The following ARHGAP15 variants were observed in gnomAD, a reference collection of about 807,000 sequenced individuals.
ARHGAP15 encodes Rho GTPase activating protein 15, also known as rho GTPase-activating protein 15.
In ARHGAP15, 51 loss-of-function variants were observed where a neutral mutation model predicts 63.7. That is an observed-to-expected ratio of 0.80 (90% confidence interval 0.64 to 1.01). ARHGAP15 has a LOEUF of 1.01. Among genes scored for constraint, ARHGAP15 ranks in the 50% least tolerant of loss-of-function variants. The pLI, the probability that ARHGAP15 is intolerant of heterozygous loss-of-function variation, is 0.00. For missense variants in ARHGAP15, 560 were observed against 564.6 expected (o/e 0.99, Z 0.08); for synonymous variants, 191 against 193.8 (o/e 0.99, Z 0.12).
intron 12 of ARHGAP15, among the ~76,000 whole-genome samples, chr2:143,694,991 T>C (rs10928196): frequency 0.087 from 13,185 of 152,242 alleles, 847 homozygotes; most frequent in East Asian, 0.33. Context: ...AAGACACACA[T>C]TGAAAACCTC....
chr2:143,518,224 A>T (rs1693905672), intron 9 of ARHGAP15, among the ~76,000 whole-genome samples: 1 of 152,224 alleles, frequency 6.6e-6, no homozygotes, highest in African/African-American at 2.4e-5. Context: ...ATCTGTCTTT[A>T]AATACTGCAG....
chr2:143,457,112 A>G (rs760332497), intron 8 of ARHGAP15, among the ~76,000 whole-genome samples: 12 of 152,188 alleles, frequency 7.9e-5, no homozygotes, highest in Non-Finnish European at 1.8e-4. Flanking sequence ...ATTTAAAAGA[A>G]AAAAGCTCCC....
intron 6 of ARHGAP15, among the ~76,000 whole-genome samples, chr2:143,311,039 AT>A (rs759753377): frequency 6.6e-6 from 1 of 151,960 alleles, no homozygotes; most frequent in Non-Finnish European, 1.5e-5. Flanking sequence ...AAGGGTTGTT[AT>A]TTTTTCTCAA....
intron 3 of ARHGAP15, among the ~76,000 whole-genome samples, chr2:143,212,741 C>A (rs1246400949): frequency 6.6e-6 from 1 of 152,096 alleles, no homozygotes; most frequent in African/African-American, 2.4e-5. Flanking sequence ...TATATAAACC[C>A]ACATGCAAAA....
chr2:143,642,002 C>T (rs920828692), intron 12 of ARHGAP15, among the ~76,000 whole-genome samples: 1 of 151,902 alleles, frequency 6.6e-6, no homozygotes, highest in Non-Finnish European at 1.5e-5. Flanking sequence ...TTATGAAATA[C>T]TAAGCAATTG....
At chr2:143,416,852 CGCCCCCAA>C in intron 6 of ARHGAP15, among the ~76,000 whole-genome samples, 1 of 128,214 alleles carries the variant, frequency 7.8e-6, no homozygotes, top group East Asian at 2.9e-4. Context: ...CACGCCCCCA[CGCCCCCAA>C]CACCACTCCA....
intron 2 of ARHGAP15, among the ~76,000 whole-genome samples, chr2:143,191,842 A>G (rs1182642117): frequency 6.6e-6 from 1 of 152,232 alleles, no homozygotes; most frequent in Non-Finnish European, 1.5e-5. Flanking sequence ...CATCTAAGTA[A>G]GTGGTACTAA....
At chr2:143,709,451 A>C (rs1468175835) in intron 13 of ARHGAP15, among the ~76,000 whole-genome samples, 2 of 152,238 alleles carry the variant, frequency 1.3e-5, no homozygotes, top group African/African-American at 4.8e-5. Flanking sequence ...TTATTGTAGG[A>C]GACTTGCACT....
intron 6 of ARHGAP15, among the ~76,000 whole-genome samples, chr2:143,261,270 G>A (rs1680700769): frequency 1.4e-5 from 2 of 145,238 alleles, no homozygotes; most frequent in African/African-American, 2.5e-5. Flanking sequence ...ATTTGATGGT[G>A]TATTTGTTTA....
At position 143,418,356 on chromosome 2, in the gene ARHGAP15, T is replaced by C. The variant is rs570250934; in HGVS notation, c.475-17245T>C. 9.3e-4 allele frequency among the ~76,000 whole-genome samples: 142 copies of C among 152,270 alleles called. 1 individual carries two copies. The highest frequency in any genetic ancestry group is 2.7e-3 in the African/African-American group (111 of 41,554). ...TTCTTCTCCAGGCCTCTCTCAAAATTCCATTTCAAATACCTAAGGCTAAGT... is the reference window on the plus strand; with the variant it reads ...TTCTTCTCCAGGCCTCTCTCAAAATCCCATTTCAAATACCTAAGGCTAAGT... On this transcript the variant is annotated intron_variant, in intron 6 of 13. Transcript: ENST00000295095.
At chr2:143,713,242 A>T (rs1684664385) in intron 13 of ARHGAP15, among the ~76,000 whole-genome samples, 1 of 152,282 alleles carries the variant, frequency 6.6e-6, no homozygotes, top group South Asian at 2.1e-4. Context: ...GACACTTCTT[A>T]TATGGTGGCA....
At chr2:143,630,343 A>C (rs1015929710) in intron 12 of ARHGAP15, among the ~76,000 whole-genome samples, 11 of 152,248 alleles carry the variant, frequency 7.2e-5, no homozygotes, top group Middle Eastern at 3.4e-3. Context: ...TTTCTATTTC[A>C]TATGAGTATT....
chr2:143,146,514 G>T, intron 1 of ARHGAP15, among the ~76,000 whole-genome samples: 1 of 151,926 alleles, frequency 6.6e-6, no homozygotes, highest in East Asian at 1.9e-4. Flanking sequence ...GGGGATTCTG[G>T]AGTGCTGATA....
intron 10 of ARHGAP15, among the ~76,000 whole-genome samples, chr2:143,541,152 C>A (rs55782460): frequency 0.19 from 29,628 of 152,160 alleles, 3,218 homozygotes; most frequent in Middle Eastern, 0.27. Context: ...GATACCCTTT[C>A]TGCCAGTTGA....
chr2:143,499,158 A>G (rs1692943879), intron 9 of ARHGAP15, among the ~76,000 whole-genome samples: 1 of 152,202 alleles, frequency 6.6e-6, no homozygotes, highest in Non-Finnish European at 1.5e-5. Context: ...CATATTATGA[A>G]TATATTGCTC....
chr2:143,450,959 A>G (rs971208628), intron 8 of ARHGAP15, among the ~76,000 whole-genome samples: 1 of 151,994 alleles, frequency 6.6e-6, no homozygotes, highest in African/African-American at 2.4e-5. Context: ...ATCTTGCTCA[A>G]GAGCTGAAAT....
intron 11 of ARHGAP15, among the ~76,000 whole-genome samples, chr2:143,601,095 T>G (rs1211540184): frequency 2.0e-5 from 3 of 152,074 alleles, no homozygotes; most frequent in Non-Finnish European, 4.4e-5. Flanking sequence ...GCGGTAGAAG[T>G]CCCTAAACTG....
intron 11 of ARHGAP15, among the ~76,000 whole-genome samples, chr2:143,570,882 A>C (rs1246437996): frequency 6.6e-6 from 1 of 152,180 alleles, no homozygotes; most frequent in East Asian, 1.9e-4. Context: ...GAATGTCAGT[A>C]CTTGAGTTCT....
chr2:143,578,329 C>A (rs1559061176), intron 11 of ARHGAP15, among the ~76,000 whole-genome samples: 1 of 151,808 alleles, frequency 6.6e-6, no homozygotes, highest in African/African-American at 2.4e-5. Context: ...CATTCAAGTA[C>A]CAAGATATTT....
Sources: allele counts gnomAD v4.1 joint callset (sites outside exome capture counted in the v4.1 genomes callset), GRCh38; gene constraint gnomAD v4.1.1; transcripts MANE v1.5; gene names NCBI Gene and HGNC (gene_info 2026-07-23, HGNC 2026-07-21).